PGM5: variants seen among roughly 807,000 people sequenced by gnomAD.
PGM5 encodes the protein phosphoglucomutase 5, also known as phosphoglucomutase-like protein 5.
In PGM5, 23 loss-of-function variants were observed where a neutral mutation model predicts 59.2. The observed-to-expected ratio is 0.39, with a 90% CI of 0.28 to 0.55. The LOEUF is 0.55. Among genes scored for constraint, PGM5 ranks in the 20% least tolerant of loss-of-function variants. PGM5 has a pLI of 0.66. For synonymous variants in PGM5, 214 were observed against 286.0 expected, an observed-to-expected ratio of 0.75 and a Z score of 2.54; for missense variants, 574 against 748.3, an observed-to-expected ratio of 0.77 and a Z score of 2.72.
intron 7 of PGM5, among the ~76,000 whole-genome samples, chr9:68,476,687 C>T (rs1824111147): frequency 1.3e-5 from 2 of 152,218 alleles, no homozygotes; most frequent in African/African-American, 4.8e-5. Flanking sequence ...GTTAATTTTA[C>T]TTCATCATCA....
chr9:68,499,528 C>T (rs1270031270), intron 10 of PGM5, among the ~76,000 whole-genome samples, 167 bp downstream of exon 10: 1 of 152,232 alleles, frequency 6.6e-6, no homozygotes, highest in Non-Finnish European at 1.5e-5. Context: ...TCGTTCATTA[C>T]AGTGTTTGAA....
chr9:68,433,188 C>G (rs1399721979), intron 6 of PGM5, among the ~76,000 whole-genome samples: 1 of 152,156 alleles, frequency 6.6e-6, no homozygotes, highest in Non-Finnish European at 1.5e-5. Flanking sequence ...AGTTAAAAAC[C>G]CTTTGTCCCA....
intron 6 of PGM5, chr9:68,406,029 G>A (rs1182276147): frequency 1.3e-5 from 2 of 152,162 alleles, no homozygotes; most frequent in Admixed American, 6.5e-5. Context: ...GGGTGGGAGG[G>A]AGAGACAGGG....
chr9:68,522,035 A>T (rs1356712801), intron 10 of PGM5, among the ~76,000 whole-genome samples: 1 of 152,164 alleles, frequency 6.6e-6, no homozygotes, highest in Non-Finnish European at 1.5e-5. Flanking sequence ...CAGGTGGATC[A>T]CCTGAGGTCT....
chr9:68,403,856 C>T (rs1474107275), intron 6 of PGM5, among the ~76,000 whole-genome samples: 1 of 152,180 alleles, frequency 6.6e-6, no homozygotes, highest in Non-Finnish European at 1.5e-5. Context: ...GAATTAATTT[C>T]AACCCAATAC....
chr9:68,475,348 A>T (rs1824087314), intron 7 of PGM5, among the ~76,000 whole-genome samples: 1 of 151,912 alleles, frequency 6.6e-6, no homozygotes, highest in Non-Finnish European at 1.5e-5. Flanking sequence ...AACTTTAAAA[A>T]TTTATTTTTT....
intron 8 of PGM5, among the ~76,000 whole-genome samples, chr9:68,479,922 C>CA (rs60645209): frequency 0.096 from 5,072 of 52,846 alleles, 308 homozygotes; most frequent in African/African-American, 0.24. Context: ...GACTCCGTCT[C>CA]AAAAAAAAAA....
chr9:68,386,894 T>C (rs567640243), intron 3 of PGM5, among the ~76,000 whole-genome samples: 1 of 152,158 alleles, frequency 6.6e-6, no homozygotes, highest in African/African-American at 2.4e-5. Flanking sequence ...GCCATTCATT[T>C]GGAAATTGGG....
intron 10 of PGM5, among the ~76,000 whole-genome samples, chr9:68,502,523 G>GAAACTTCACAGA (rs1554688738): frequency 1.8e-4 from 28 of 152,266 alleles, no homozygotes; most frequent in African/African-American, 5.8e-4. Flanking sequence ...TTTGTTAAGG[G>GAAACTTCACAGA]CTAGGAAAAT....
chr9:68,409,612 A>G (rs1554681452), intron 6 of PGM5, among the ~76,000 whole-genome samples: 1 of 39,258 alleles, frequency 2.5e-5, no homozygotes, highest in African/African-American at 6.7e-5. Context: ...ATTCTCAGTA[A>G]ACTATCGCAA....
intron 6 of PGM5, among the ~76,000 whole-genome samples, chr9:68,434,583 G>A (rs1823415095): frequency 6.6e-6 from 1 of 152,080 alleles, no homozygotes; most frequent in Non-Finnish European, 1.5e-5. Flanking sequence ...GAGGCAAGTG[G>A]ATCACCCGAG....
intron 6 of PGM5, chr9:68,397,186 G>A (rs1554680077): frequency 5.9e-5 from 9 of 152,770 alleles, no homozygotes; most frequent in Non-Finnish European, 1.2e-4. Flanking sequence ...AAACATTTTG[G>A]TTCAAATGAT....
chr9:68,376,864 T>TTCTTTC (rs1563984975), intron 1 of PGM5, among the ~76,000 whole-genome samples: 1 of 115,220 alleles, frequency 8.7e-6, no homozygotes, highest in Non-Finnish European at 1.8e-5. Flanking sequence ...TTTCTTTCTT[T>TTCTTTC]TTTCTTTCTC....
At chr9:68,529,482 C>T (rs1297151205) in intron 10 of PGM5, 85 bp from the exon 11 acceptor site, 5 of 918,058 alleles carry the variant, frequency 5.4e-6, no homozygotes, top group Non-Finnish European at 8.6e-6. Flanking sequence ...AATCTGAGTC[C>T]AGATGCTTAT....
intron 6 of PGM5, among the ~76,000 whole-genome samples, chr9:68,426,260 TA>T (rs34604791): frequency 0.58 from 85,208 of 146,814 alleles, 24,196 homozygotes; most frequent in Admixed American, 0.62. Context: ...CTCATGTATT[TA>T]AAAAAAAAAA....
chr9:68,434,634 C>T lies in PGM5; in HGVS notation c.1044-30459C>T, dbSNP rs146720338. 9.4e-3 allele frequency among the ~76,000 whole-genome samples: 1,431 copies of T among 152,148 alleles called. 11 individuals are homozygous for T. The highest frequency in any genetic ancestry group is 0.015 in the Non-Finnish European group (1,024 of 67,978). On this transcript the variant is annotated intron_variant, in intron 6 of 10. Transcript: ENST00000396396. Reference sequence around the variant, plus strand: ...CCAGCCTGGACAACATGACAAAACCCATCTCTACTAAAAACACAAAGTTTG... The same window carrying T: ...CCAGCCTGGACAACATGACAAAACCTATCTCTACTAAAAACACAAAGTTTG...
chr9:68,418,644 C>T (rs184944142), intron 6 of PGM5, among the ~76,000 whole-genome samples: 32 of 151,612 alleles, frequency 2.1e-4, no homozygotes, highest in African/African-American at 5.4e-4. Context: ...TTTGGCAGGA[C>T]GACTTGACTG....
chr9:68,460,723 T>C (rs1286106190), intron 6 of PGM5, among the ~76,000 whole-genome samples: 2 of 152,176 alleles, frequency 1.3e-5, no homozygotes, highest in Non-Finnish European at 2.9e-5. Context: ...CCTTAAATAA[T>C]ATTTATTAGT....
intron 8 of PGM5, among the ~76,000 whole-genome samples, chr9:68,483,433 C>G (rs981490927): frequency 6.6e-6 from 1 of 152,154 alleles, no homozygotes. Flanking sequence ...AGGGAACACA[C>G]AGCTAGCGCA....
Sources: allele counts gnomAD v4.1 joint callset (sites outside exome capture counted in the v4.1 genomes callset), GRCh38; gene constraint gnomAD v4.1.1; transcripts MANE v1.5; gene names NCBI Gene and HGNC (gene_info 2026-07-23, HGNC 2026-07-21).